PIK3C2A: variants seen among roughly 807,000 people sequenced by gnomAD.
PIK3C2A encodes the protein phosphatidylinositol 4-phosphate 3-kinase C2 domain-containing subunit alpha.
Under a neutral mutation model 204.5 loss-of-function variants are expected in PIK3C2A, and 97 were observed. The ratio of observed to expected loss-of-function variants is 0.47; its 90% confidence interval spans 0.40 to 0.56. The LOEUF (loss-of-function observed/expected upper bound fraction) is 0.56, where lower values mean the gene tolerates loss of function less well. Ranked by LOEUF, PIK3C2A falls within the 20% of genes least tolerant of loss-of-function variation. PIK3C2A has a pLI of 0.00. For missense variants in PIK3C2A, 1,735 were observed against 1,969.2 expected, an observed-to-expected ratio of 0.88 and a Z score of 2.25; for synonymous variants, 653 against 664.4, an observed-to-expected ratio of 0.98 and a Z score of 0.26.
intron 3 of PIK3C2A, among the ~76,000 whole-genome samples, chr11:17,154,167 GA>G (rs1850511457): frequency 6.6e-6 from 1 of 152,038 alleles, no homozygotes; most frequent in Admixed American, 6.6e-5. Flanking sequence ...TCAAATGGGA[GA>G]AAAAAGGTAG....
chr11:17,117,691 A>G lies in PIK3C2A; in HGVS notation c.3036-20T>C. 1 of 612,610 alleles carries G rather than the reference A, an allele frequency of 1.6e-6. No individual in the cohort carries two copies. Among genetic ancestry groups the G allele is most frequent in the Non-Finnish European group, 2.7e-6 (1 of 373,634 alleles). The allele number at this position is 612,610 out of a possible 1,614,324, so 37.9% of individuals were successfully genotyped here. On this transcript the variant is annotated intron_variant, in intron 18 of 32. Transcript: ENST00000691414. ...AGAAGCCTAATACAGCAAAATATTTATGTTAGTCACGTCTTGGTTTTTTTT... is the reference window on the plus strand; with the variant it reads ...AGAAGCCTAATACAGCAAAATATTTGTGTTAGTCACGTCTTGGTTTTTTTT...
At chr11:17,174,375 CA>C (rs1851272291) in intron 1 of PIK3C2A, among the ~76,000 whole-genome samples, 1 of 66,630 alleles carries the variant, frequency 1.5e-5, no homozygotes, top group African/African-American at 6.3e-5. Flanking sequence ...ATCACGAGGT[CA>C]GGAGATCGAG....
At chr11:17,161,488 G>C (rs1050319007) in intron 2 of PIK3C2A, among the ~76,000 whole-genome samples, 7 of 152,130 alleles carry the variant, frequency 4.6e-5, no homozygotes, top group African/African-American at 1.7e-4. Context: ...ACAATAATTT[G>C]ATCTATTATA....
rs35384397 is a variant in PIK3C2A at position 17,165,782 on chromosome 11, GAAAAAAAAAAAAA to G, written c.1065+2882_1065+2894del. Among the ~76,000 whole-genome samples, 4 of 78,844 alleles carry G rather than the reference GAAAAAAAAAAAAA, an allele frequency of 5.1e-5. No homozygotes were observed. In the East Asian group the frequency reaches 1.7e-3, roughly 34 times the overall value. 51.7% of individuals were successfully genotyped at this position (78,844 alleles called of 152,430 possible). A position where few individuals can be genotyped will look rare whatever the true frequency, so the allele number is the denominator to read the frequency against. ...AAGAGAGAAACTGTCTCAAAAAAGT[GAAAAAAAAAAAAA>G]AAAAAAAAAAAAAGGGAGGGCTTTT... is the stretch of plus-strand genomic sequence containing the variant. On this transcript the variant is annotated intron_variant, in intron 2 of 32. Transcript: ENST00000691414.
chr11:17,119,197 A>G (rs1270915350), intron 17 of PIK3C2A, 23 bp downstream of exon 17: 2 of 1,224,860 alleles, frequency 1.6e-6, no homozygotes, highest in South Asian at 2.5e-5. Context: ...GTATAAAGGG[A>G]GGTAATCTAG....
At chr11:17,114,299 C>G (rs1590922827) in intron 20 of PIK3C2A, 62 bp downstream of exon 20, 1 of 863,848 alleles carries the variant, frequency 1.2e-6, no homozygotes, top group Non-Finnish European at 2.0e-6. Flanking sequence ...CATACCTGCC[C>G]ATTTGCCTTC....
chr11:17,136,372 A>T, intron 9 of PIK3C2A, 110 bp downstream of exon 9: 1 of 858,034 alleles, frequency 1.2e-6, no homozygotes, highest in Non-Finnish European at 1.9e-6. Context: ...TTCAACCCAA[A>T]AGTAAAAGCC....
chr11:17,168,644 T>C (rs540375514), intron 2 of PIK3C2A, 33 bp downstream of exon 2: 3 of 1,327,996 alleles, frequency 2.3e-6, no homozygotes, highest in African/African-American at 1.5e-5. Context: ...TGTGTTATAC[T>C]AAGTTTGAGA....
intron 6 of PIK3C2A, 67 bp from the exon 7 acceptor site, chr11:17,146,009 A>G (rs1249129548): frequency 5.3e-6 from 6 of 1,132,052 alleles, no homozygotes; most frequent in Non-Finnish European, 6.6e-6. Flanking sequence ...CAAATTAAAT[A>G]TAGTTAAGTG....
At chr11:17,163,024 T>C (rs1177094992) in intron 2 of PIK3C2A, among the ~76,000 whole-genome samples, 1 of 152,154 alleles carries the variant, frequency 6.6e-6, no homozygotes, top group African/African-American at 2.4e-5. Context: ...AGGACTTGTT[T>C]GGCCAGGCAC....
intron 1 of PIK3C2A, among the ~76,000 whole-genome samples, chr11:17,202,517 T>C (rs1440793512): frequency 2.0e-5 from 3 of 151,436 alleles, no homozygotes; most frequent in African/African-American, 7.3e-5. Context: ...GAGGTTGCAG[T>C]AGGCTGAGAT....
At chr11:17,093,656 G>A (rs965114689) in intron 28 of PIK3C2A, among the ~76,000 whole-genome samples, 4 of 151,002 alleles carry the variant, frequency 2.6e-5, no homozygotes, top group Non-Finnish European at 5.9e-5. Context: ...TTGGGGGGGG[G>A]GGACAGGGTC....
chr11:17,179,246 A>C (rs564088720), intron 1 of PIK3C2A, among the ~76,000 whole-genome samples: 1 of 152,102 alleles, frequency 6.6e-6, no homozygotes, highest in African/African-American at 2.4e-5. Context: ...ACCGTAACCT[A>C]GAACTCCTGG....
intron 2 of PIK3C2A, among the ~76,000 whole-genome samples, chr11:17,157,642 T>G (rs1190061019): frequency 4.6e-5 from 7 of 152,114 alleles, no homozygotes; most frequent in Non-Finnish European, 1.0e-4. Flanking sequence ...CTTCATATAG[T>G]GCTAAAGCTT....
At chr11:17,201,531 AAAAAAAAAAAAAGAAAAAAG>A (rs560032654) in intron 1 of PIK3C2A, among the ~76,000 whole-genome samples, 15,757 of 95,898 alleles carry the variant, frequency 0.16, 971 homozygotes, top group Middle Eastern at 0.3. Flanking sequence ...GTCTCAAAAA[AAAAAAAAAAAAAGAAAAAAG>A]AAAAAAAAAA....
At chr11:17,178,711 GAATTTTTTTTTTT>G (rs1223813459) in intron 1 of PIK3C2A, among the ~76,000 whole-genome samples, 4 of 89,260 alleles carry the variant, frequency 4.5e-5, no homozygotes, top group Non-Finnish European at 6.6e-5. Context: ...GTTGATTTTT[GAATTTTTTTTTTT>G]TTTTTTTTTT....
At position 17,207,504 on chromosome 11, in the gene PIK3C2A, G is replaced by A. The variant is rs568441168; in HGVS notation, c.-66+344C>T. ...CCAGCCCGGTCCCGCGGGACAAGGC[G>A]GGGGAGGGGGGCCGGCGGCCGGGGG... is the stretch of plus-strand genomic sequence containing the variant. On this transcript the variant is annotated intron_variant, in intron 1 of 32. Coordinates refer to ENST00000691414, the MANE Select transcript of PIK3C2A (RefSeq NM_002645.4). Among the ~76,000 whole-genome samples, 10 of 152,318 alleles carry A rather than the reference G, an allele frequency of 6.6e-5. No individual in the cohort carries two copies. The South Asian group carries it at 1.7e-3, about 25-fold the overall frequency.
chr11:17,147,951 C>G lies in PIK3C2A; in HGVS notation c.1449-323G>C, dbSNP rs1162105819. Reference sequence around the variant, plus strand: ...TGAATTACAAGGCTGGGCACAGTGGCTGACACCTGTAATCCCAGCACTTTG... The same window carrying G: ...TGAATTACAAGGCTGGGCACAGTGGGTGACACCTGTAATCCCAGCACTTTG... On this transcript the variant is annotated intron_variant, in intron 5 of 32. Coordinates refer to ENST00000691414, the MANE Select transcript of PIK3C2A (RefSeq NM_002645.4). Among the ~76,000 whole-genome samples the G allele has an allele frequency of 3.3e-5, 5 of 152,276 alleles. No individual in the cohort carries two copies. In the East Asian group the frequency reaches 7.7e-4, roughly 23 times the overall value.
chr11:17,176,035 ACT>A (rs1472478577), intron 1 of PIK3C2A, among the ~76,000 whole-genome samples: 1 of 148,588 alleles, frequency 6.7e-6, no homozygotes, highest in Non-Finnish European at 1.5e-5. Context: ...ACAGAGTCTC[ACT>A]CTGTCGCCCA....
Sources: allele counts gnomAD v4.1 joint callset (sites outside exome capture counted in the v4.1 genomes callset), GRCh38; gene constraint gnomAD v4.1.1; transcripts MANE v1.5; gene names NCBI Gene and HGNC (gene_info 2026-07-23, HGNC 2026-07-21).